The following PDSS2 variants were observed in gnomAD, a reference collection of about 807,000 sequenced individuals.
The protein encoded by PDSS2 is all trans-polyprenyl-diphosphate synthase PDSS2.
A neutral mutation model predicts 44.5 loss-of-function variants in PDSS2; 31 were observed. The ratio of observed to expected loss-of-function variants is 0.70; its 90% CI spans 0.52 to 0.94. The LOEUF (loss-of-function observed/expected upper bound fraction) is 0.94, where lower values mean the gene tolerates loss of function less well. PDSS2 is among the 40% of genes least tolerant of loss of function. The pLI is 0.00. For synonymous variants in PDSS2, 157 were observed against 180.3 expected (o/e 0.87, Z 1.03); for missense variants, 452 against 482.2 (o/e 0.94, Z 0.59).
chr6:107,288,766 T>TTG (rs1197642569), intron 2 of PDSS2, among the ~76,000 whole-genome samples: 1 of 145,054 alleles, frequency 6.9e-6, no homozygotes, highest in African/African-American at 2.6e-5. Flanking sequence ...TTTTTTTTTT[T>TTG]TTTTTTTTTT....
intron 2 of PDSS2, among the ~76,000 whole-genome samples, chr6:107,300,726 T>C (rs1776666912): frequency 6.6e-6 from 1 of 152,188 alleles, no homozygotes; most frequent in South Asian, 2.1e-4. Context: ...GTTTTCACTC[T>C]ATCAAATCTT....
At chr6:107,308,713 G>C (rs1443253313) in intron 2 of PDSS2, among the ~76,000 whole-genome samples, 1 of 152,208 alleles carries the variant, frequency 6.6e-6, no homozygotes, top group African/African-American at 2.4e-5. Context: ...GGACGTTGCT[G>C]CTACACACCC....
At chr6:107,286,209 T>C (rs1353031694) in intron 2 of PDSS2, among the ~76,000 whole-genome samples, 2 of 142,492 alleles carry the variant, frequency 1.4e-5, no homozygotes, top group African/African-American at 2.6e-5. Context: ...AAAAGTTTAA[T>C]ACTAAAATAT....
intron 1 of PDSS2, among the ~76,000 whole-genome samples, chr6:107,458,585 T>C (rs1249088421): frequency 6.6e-6 from 1 of 151,658 alleles, no homozygotes; most frequent in East Asian, 1.9e-4. Context: ...TCTCTCTCTC[T>C]CCTTGCCTAC....
intron 2 of PDSS2, among the ~76,000 whole-genome samples, chr6:107,286,009 G>A (rs1005711699): frequency 4.0e-5 from 6 of 151,848 alleles, no homozygotes; most frequent in Admixed American, 6.6e-5. Context: ...GCTTGGTGGC[G>A]GGTGCCTGTA....
chr6:107,326,711 G>A (rs1242688857), intron 2 of PDSS2, among the ~76,000 whole-genome samples: 1 of 151,816 alleles, frequency 6.6e-6, no homozygotes, highest in Non-Finnish European at 1.5e-5. Flanking sequence ...AATTAGCCAG[G>A]CGTGGTGGTG....
Position 107,325,211 on chromosome 6 carries a change from G to T in PDSS2, c.431+8987C>A, listed in dbSNP as rs186881951. On this transcript the variant is annotated intron_variant, in intron 2 of 7. Transcript: ENST00000369037. ...AAAGTAATGTTAAGATCTGTAATTT[G>T]ATTTTAAGATGTTTCTAGATTTAAC... Among the ~76,000 whole-genome samples, 265 of 152,234 alleles carry T rather than the reference G, an allele frequency of 1.7e-3. 2 individuals carry two copies. Among genetic ancestry groups the T allele is most frequent in the African/African-American group, 6.2e-3 (258 of 41,562 alleles).
At chr6:107,364,894 A>T (rs1222477570) in intron 1 of PDSS2, among the ~76,000 whole-genome samples, 3 of 152,244 alleles carry the variant, frequency 2.0e-5, no homozygotes, top group African/African-American at 7.2e-5. Flanking sequence ...CTCATCAGAA[A>T]CCATGGAGAC....
At chr6:107,156,203 T>TTC (rs1268883875) in intron 7 of PDSS2, among the ~76,000 whole-genome samples, 2 of 147,418 alleles carry the variant, frequency 1.4e-5, no homozygotes, top group East Asian at 3.9e-4. Context: ...ATGCTTTTTT[T>TTC]TTTTTTTTTT....
At position 107,269,333 on chromosome 6, in the gene PDSS2, C is replaced by CGTGTGTGTGT. The variant is rs1419152571; in HGVS notation, c.630+4695_630+4696insACACACACAC. ...AATCTAGGCCTTCTCAATCTCATTT[C>CGTGTGTGTGT]GTGTGTCTGTGTGTGTGTGTGTGTG... is the stretch of plus-strand genomic sequence containing the variant. On this transcript the variant is annotated intron_variant, in intron 3 of 7. Coordinates refer to ENST00000369037, the MANE Select transcript of PDSS2 (RefSeq NM_020381.4). 8.7e-5 allele frequency among the ~76,000 whole-genome samples: 7 copies of CGTGTGTGTGT among 80,286 alleles called. No individual in the cohort carries two copies. In the East Asian group the frequency reaches 1.3e-3, roughly 14 times the overall value. The allele number at this position is 80,286 out of a possible 152,430, so 52.7% of individuals were successfully genotyped here. A position where few individuals can be genotyped will look rare whatever the true frequency, so the allele number is the denominator to read the frequency against.
intron 1 of PDSS2, among the ~76,000 whole-genome samples, chr6:107,346,502 GAATAT>G (rs1197981847): frequency 1.3e-5 from 2 of 152,080 alleles, no homozygotes; most frequent in African/African-American, 2.4e-5. Flanking sequence ...TCCTTGATTA[GAATAT>G]AATAATCATG....
In PDSS2 at chr6:107,154,748, ACC is replaced by A; in HGVS notation, c.1069_1070del (p.Gly357CysfsTer6). 1 of 1,614,206 alleles carries A rather than the reference ACC, an allele frequency of 6.2e-7. No individual in the cohort carries two copies. The highest frequency in any genetic ancestry group is 1.1e-5 in the South Asian group (1 of 91,086). ...KLRERIKAGK[G>X]VTSAIDLCRY... The stretch of plus-strand genomic sequence containing the variant: ...GACACAGGTCAATAGCTGAAGTCAC[ACC>A]TTTGCCAGCTTTGATTCTTTCTCGC... On this transcript the variant is annotated frameshift_variant, in exon 8 of 8. Transcript: ENST00000369037. LOFTEE classifies it high-confidence loss of function.
At chr6:107,203,406 G>A (rs1431777757) in intron 6 of PDSS2, among the ~76,000 whole-genome samples, 1 of 151,954 alleles carries the variant, frequency 6.6e-6, no homozygotes, top group Non-Finnish European at 1.5e-5. Context: ...CATTCTCATT[G>A]CCAACACTCT....
In PDSS2 at chr6:107,272,506, G is replaced by A. The variant is rs117806660; in HGVS notation, c.630+1523C>T. Among the ~76,000 whole-genome samples, 980 of 152,252 alleles carry A rather than the reference G, an allele frequency of 6.4e-3. 6 individuals carry two copies. The highest frequency in any genetic ancestry group is 0.024 in the Middle Eastern group (7 of 294). ...TAAGACAGAAGGAGCCTGGATCCCTGACTTTGCAGACTCACTATACCAACT... is the reference window on the plus strand; with the variant it reads ...TAAGACAGAAGGAGCCTGGATCCCTAACTTTGCAGACTCACTATACCAACT... On this transcript the variant is annotated intron_variant, in intron 3 of 7. Transcript: ENST00000369037.
At chr6:107,263,983 T>C (rs1004919505) in intron 3 of PDSS2, among the ~76,000 whole-genome samples, 1 of 152,196 alleles carries the variant, frequency 6.6e-6, no homozygotes, top group African/African-American at 2.4e-5. Context: ...TAAAAAATAT[T>C]AACCTTGGGT....
At chr6:107,424,117 C>A (rs1180775494) in intron 1 of PDSS2, among the ~76,000 whole-genome samples, 1 of 145,992 alleles carries the variant, frequency 6.8e-6, no homozygotes, top group African/African-American at 2.5e-5. Context: ...TCACGGCTCA[C>A]TGCAGCCTTG....
chr6:107,325,557 A>C (rs1202552414), intron 2 of PDSS2, among the ~76,000 whole-genome samples: 1 of 152,186 alleles, frequency 6.6e-6, no homozygotes, highest in Non-Finnish European at 1.5e-5. Flanking sequence ...TTTTTTAACA[A>C]AAATAATTTT....
chr6:107,234,523 ATTT>A (rs11313991), intron 4 of PDSS2, among the ~76,000 whole-genome samples: 1 of 147,284 alleles, frequency 6.8e-6, no homozygotes. Flanking sequence ...ATCTTACTAG[ATTT>A]TTTTTTTTTT....
chr6:107,414,792 C>G (rs12663305), intron 1 of PDSS2, among the ~76,000 whole-genome samples: 19,446 of 152,154 alleles, frequency 0.13, 1,477 homozygotes, highest in East Asian at 0.24. Context: ...CATTTAGCCA[C>G]AAGGAGACAG....
Sources: gnomAD v4.1 joint callset for allele counts (sites outside exome capture counted in the v4.1 genomes callset) on GRCh38, gnomAD v4.1.1 for gene constraint, MANE v1.5 for transcripts, NCBI Gene and HGNC (gene_info 2026-07-23, HGNC 2026-07-21) for gene names.